OCA2: variants seen among roughly 807,000 people sequenced by gnomAD.
OCA2 encodes OCA2 melanosomal transmembrane protein.
A neutral mutation model predicts 100.2 loss-of-function variants in OCA2; 77 were observed. That is an observed-to-expected ratio of 0.77 (90% CI 0.64 to 0.93). The LOEUF (loss-of-function observed/expected upper bound fraction) is 0.93, where lower values mean the gene tolerates loss of function less well. Among genes scored for constraint, OCA2 ranks in the 40% least tolerant of loss-of-function variants. The probability of loss-of-function intolerance (pLI) is 0.00; values close to 1 mark genes in which losing one functional copy is unlikely to be tolerated. For synonymous variants in OCA2, 432 were observed against 439.2 expected (o/e 0.98, Z 0.21); for missense variants, 1,062 against 1,089.1 (o/e 0.98, Z 0.35).
rs945011642 is a variant in OCA2, at chr15:27,913,880, A to C, written c.2079+12247T>G. Among the ~76,000 whole-genome samples the C allele has an allele frequency of 7.6e-5, 5 of 66,146 alleles. 1 individual carries two copies. Among genetic ancestry groups the C allele is most frequent in the African/African-American group, 3.8e-4 (5 of 13,060 alleles). 43.4% of individuals were successfully genotyped at this position (66,146 alleles called of 152,430 possible). A position where few individuals can be genotyped will look rare whatever the true frequency, so the allele number is the denominator to read the frequency against. On this transcript the variant is annotated intron_variant, in intron 19 of 23. Coordinates refer to ENST00000354638, the MANE Select transcript of OCA2 (RefSeq NM_000275.3). ...GAAAGAAAGAAAGAAAGAAAGAAAGAAAGAAAGAAAGAAAGCAAGCAAGCA... is the reference window on the plus strand; with the variant it reads ...GAAAGAAAGAAAGAAAGAAAGAAAGCAAGAAAGAAAGAAAGCAAGCAAGCA...
intron 21 of OCA2, among the ~76,000 whole-genome samples, chr15:27,866,582 T>C (rs1229741579): frequency 6.6e-6 from 1 of 152,218 alleles, no homozygotes; most frequent in Non-Finnish European, 1.5e-5. Context: ...CGCTAGTGAA[T>C]GAGGCTACAA....
chr15:27,836,842 A>AT (rs1196475339), intron 23 of OCA2, among the ~76,000 whole-genome samples: 1 of 152,096 alleles, frequency 6.6e-6, no homozygotes, highest in African/African-American at 2.4e-5. Flanking sequence ...TTCTCTAGAT[A>AT]TTTTTTTCAC....
chr15:27,951,970 G>T, intron 17 of OCA2, 78 bp from the exon 18 acceptor site: 1 of 963,390 alleles, frequency 1.0e-6, no homozygotes, highest in South Asian at 1.3e-5. Flanking sequence ...TACGCAACTG[G>T]AATCACGACA....
intron 22 of OCA2, among the ~76,000 whole-genome samples, chr15:27,849,214 C>CA (rs1478344890): frequency 6.6e-6 from 1 of 152,162 alleles, no homozygotes; most frequent in East Asian, 1.9e-4. Context: ...GGTGTGAACA[C>CA]AGCCACATGC....
At chr15:27,856,975 A>G (rs1041478007) in intron 21 of OCA2, among the ~76,000 whole-genome samples, 3 of 152,242 alleles carry the variant, frequency 2.0e-5, no homozygotes, top group Non-Finnish European at 4.4e-5. Flanking sequence ...AGAAGATTAC[A>G]CAACATACAA....
chr15:27,771,505 G>A (rs1218082620), intron 23 of OCA2, among the ~76,000 whole-genome samples: 5 of 152,224 alleles, frequency 3.3e-5, no homozygotes, highest in Non-Finnish European at 7.3e-5. Context: ...CGTGGCCGCG[G>A]GCCGAGTCCA....
chr15:28,095,345 G>A (rs1472705237), intron 1 of OCA2, among the ~76,000 whole-genome samples: 1 of 152,192 alleles, frequency 6.6e-6, no homozygotes, highest in African/African-American at 2.4e-5. Context: ...TGAAACGACA[G>A]CCGGCAGCAG....
chr15:27,841,900 C>T (rs1307452749), intron 23 of OCA2, among the ~76,000 whole-genome samples: 1 of 152,206 alleles, frequency 6.6e-6, no homozygotes, highest in Non-Finnish European at 1.5e-5. Flanking sequence ...CGAGTTTCAG[C>T]AGTGAAGTTC....
chr15:27,987,771 T>A (rs568977201), intron 11 of OCA2, among the ~76,000 whole-genome samples: 10 of 152,136 alleles, frequency 6.6e-5, no homozygotes, highest in African/African-American at 2.4e-4. Flanking sequence ...AATTAACCTT[T>A]CTGTCCTTCA....
chr15:28,038,663 A>C (rs1488322248), intron 2 of OCA2, among the ~76,000 whole-genome samples: 1 of 152,236 alleles, frequency 6.6e-6, no homozygotes, highest in African/African-American at 2.4e-5. Flanking sequence ...ACCGAAAAAA[A>C]CACAAACATG....
intron 21 of OCA2, among the ~76,000 whole-genome samples, chr15:27,865,665 G>A (rs2036293222): frequency 2.6e-5 from 4 of 152,186 alleles, no homozygotes; most frequent in Admixed American, 2.6e-4. Context: ...CCAACCCTGA[G>A]GACCAAGAAG....
chr15:28,003,772 G>A (rs2042002006), intron 9 of OCA2, among the ~76,000 whole-genome samples: 1 of 152,206 alleles, frequency 6.6e-6, no homozygotes, highest in Admixed American at 6.5e-5. Context: ...GAGGGTGGCG[G>A]TCCCACCCCT....
intron 19 of OCA2, among the ~76,000 whole-genome samples, chr15:27,922,082 G>A (rs1041450041): frequency 2.0e-5 from 3 of 152,124 alleles, no homozygotes; most frequent in Admixed American, 6.5e-5. Context: ...AGTTTACATC[G>A]TCTGTTTACA....
intron 9 of OCA2, among the ~76,000 whole-genome samples, chr15:28,005,099 G>C (rs2042052617): frequency 6.6e-6 from 1 of 152,164 alleles, no homozygotes; most frequent in Non-Finnish European, 1.5e-5. Context: ...GGGCGTCCAG[G>C]AGGCAGGCAG....
intron 13 of OCA2, 98 bp from the exon 14 acceptor site, chr15:27,983,581 G>T (rs534933430): frequency 1.5e-6 from 2 of 1,301,644 alleles, no homozygotes; most frequent in African/African-American, 1.4e-5. Context: ...CTCGTATAAG[G>T]GAGGCGCGCA....
intron 18 of OCA2, among the ~76,000 whole-genome samples, chr15:27,929,094 A>G (rs1414396359): frequency 6.6e-6 from 1 of 152,214 alleles, no homozygotes; most frequent in Non-Finnish European, 1.5e-5. Context: ...ATTTTTCCTA[A>G]GAATGTTTTG....
At chr15:27,860,943 A>G (rs531034993) in intron 21 of OCA2, among the ~76,000 whole-genome samples, 5 of 152,358 alleles carry the variant, frequency 3.3e-5, no homozygotes, top group Admixed American at 2.0e-4. Context: ...GGTGCAAGCC[A>G]TCGCCAAGAC....
chr15:27,946,538 C>A (rs570615722), intron 18 of OCA2, among the ~76,000 whole-genome samples: 2 of 152,286 alleles, frequency 1.3e-5, no homozygotes, highest in South Asian at 4.1e-4. Flanking sequence ...CCTTTTTTGT[C>A]TATAAGTTTG....
At chr15:27,847,816 G>C (rs2035591752) in intron 22 of OCA2, among the ~76,000 whole-genome samples, 1 of 152,188 alleles carries the variant, frequency 6.6e-6, no homozygotes, top group Non-Finnish European at 1.5e-5. Context: ...AAAGGAAGAT[G>C]CAAAACCAGC....
Sources: gnomAD v4.1 joint callset for allele counts (sites outside exome capture counted in the v4.1 genomes callset) on GRCh38, gnomAD v4.1.1 for gene constraint, MANE v1.5 for transcripts, NCBI Gene and HGNC (gene_info 2026-07-23, HGNC 2026-07-21) for gene names.